Variants in RBPMS observed in about 807,000 individuals in gnomAD.
The protein encoded by RBPMS is RNA binding protein, mRNA processing factor, also known as RNA-binding protein with multiple splicing.
In RBPMS, 7 loss-of-function variants were observed where a neutral mutation model predicts 26.8. The ratio of observed to expected loss-of-function variants is 0.26; its 90% CI spans 0.15 to 0.49. The LOEUF is 0.49. Ranked by LOEUF, RBPMS falls within the 20% of genes least tolerant of loss-of-function variation. The probability of loss-of-function intolerance (pLI) is 0.98; values close to 1 mark genes in which losing one functional copy is unlikely to be tolerated. For synonymous variants in RBPMS, 96 were observed against 93.3 expected (o/e 1.03, Z -0.17); for missense variants, 186 against 250.0 (o/e 0.74, Z 1.73).
At chr8:30,411,503 A>G (rs1809391443) in intron 1 of RBPMS, among the ~76,000 whole-genome samples, 1 of 151,922 alleles carries the variant, frequency 6.6e-6, no homozygotes, top group East Asian at 1.9e-4. Context: ...CATCTCTACA[A>G]AAAATTTAAA....
At chr8:30,467,544 TTAG>T (rs1004674377) in intron 1 of RBPMS, among the ~76,000 whole-genome samples, 2 of 152,182 alleles carry the variant, frequency 1.3e-5, no homozygotes, top group African/African-American at 4.8e-5. Context: ...AGTTCTTATC[TTAG>T]TAGAGCAGTC....
chr8:30,545,094 C>T, intron 6 of RBPMS: 3 of 1,356,482 alleles, frequency 2.2e-6, no homozygotes, highest in Non-Finnish European at 2.9e-6. Context: ...GGAAAGCTTC[C>T]AGGGGGGAAG....
intron 1 of RBPMS, among the ~76,000 whole-genome samples, chr8:30,387,688 G>A (rs1442995605): frequency 1.3e-5 from 2 of 152,220 alleles, no homozygotes; most frequent in African/African-American, 4.8e-5. Flanking sequence ...TCATCATTAA[G>A]GGAAAATAGT....
intron 1 of RBPMS, among the ~76,000 whole-genome samples, chr8:30,457,655 C>T (rs1290483061): frequency 2.1e-5 from 3 of 142,998 alleles, no homozygotes; most frequent in Non-Finnish European, 3.0e-5. Flanking sequence ...TGCAGTGGTG[C>T]GATGGCTCCA....
chr8:30,531,318 A>G (rs553757976), intron 5 of RBPMS, among the ~76,000 whole-genome samples: 3 of 149,230 alleles, frequency 2.0e-5, no homozygotes, highest in East Asian at 2.0e-4. Flanking sequence ...ATTACCCACC[A>G]AAGATCTGAA....
intron 5 of RBPMS, among the ~76,000 whole-genome samples, chr8:30,529,406 G>A (rs1173561732): frequency 6.6e-6 from 1 of 151,998 alleles, no homozygotes; most frequent in East Asian, 1.9e-4. Context: ...GGAGACTGAG[G>A]CAGGAGAATC....
chr8:30,504,404 A>G lies in RBPMS; in HGVS notation c.365A>G (p.Asn122Ser), dbSNP rs141459658. ...CCAAACCCCAGTACTCCTCTGCCCA[A>G]CACTGTACCTCAGTTCATTGCCAGA... ...GTPNPSTPLP[N>S]TVPQFIAREP... The change falls in exon 5 of 9, where the codon AAC becomes AGC. Residue 122 changes from asparagine to serine, a missense_variant. Asn to Ser is a conservative substitution (Grantham distance 46). Coordinates refer to ENST00000397323, the MANE Select transcript of RBPMS (RefSeq NM_001008710.3). 1.2e-5 allele frequency: 19 copies of G among 1,614,096 alleles called. No individual in the cohort carries two copies. The African/African-American group carries it at 2.4e-4, about 20-fold the overall frequency.
At chr8:30,549,750 C>CTTTCCTTTTCTTTT (rs1554543794) in intron 6 of RBPMS, among the ~76,000 whole-genome samples, 1 of 76,208 alleles carries the variant, frequency 1.3e-5, no homozygotes, top group Non-Finnish European at 2.9e-5. Context: ...TTCTTTCTTT[C>CTTTCCTTTTCTTTT]CTTTTCTTTT....
chr8:30,514,714 C>T (rs1035320509), intron 5 of RBPMS, among the ~76,000 whole-genome samples: 10 of 77,666 alleles, frequency 1.3e-4, no homozygotes, highest in East Asian at 1.1e-3. Context: ...AATGTAGAGG[C>T]GGGGTTTCCC....
At chr8:30,389,955 T>G (rs929603197) in intron 1 of RBPMS, among the ~76,000 whole-genome samples, 1 of 152,210 alleles carries the variant, frequency 6.6e-6, no homozygotes, top group African/African-American at 2.4e-5. Context: ...TCTTTGAGCT[T>G]CAGTGGCTCC....
chr8:30,514,680 C>CCTTTT (rs1822103519), intron 5 of RBPMS, among the ~76,000 whole-genome samples: 1 of 82,650 alleles, frequency 1.2e-5, no homozygotes, highest in Non-Finnish European at 2.3e-5. Context: ...CCATGCCGGG[C>CCTTTT]TTTTTTTTTT....
At chr8:30,462,423 T>G (rs1179475252) in intron 1 of RBPMS, among the ~76,000 whole-genome samples, 2 of 149,154 alleles carry the variant, frequency 1.3e-5, no homozygotes, top group African/African-American at 5.0e-5. Flanking sequence ...TACTTTTTTG[T>G]TTGTTTGTTT....
chr8:30,565,221 G>T (rs1827801638), intron 7 of RBPMS: 1 of 152,218 alleles, frequency 6.6e-6, no homozygotes, highest in Admixed American at 6.5e-5. Flanking sequence ...CCTTAAATCT[G>T]AGGAGAGAGA....
intron 5 of RBPMS, among the ~76,000 whole-genome samples, chr8:30,527,173 T>C (rs17552937): frequency 0.18 from 27,796 of 152,144 alleles, 2,798 homozygotes; most frequent in Non-Finnish European, 0.22. Flanking sequence ...AAAATCACTT[T>C]CTGGCAAAAC....
intron 7 of RBPMS, 30 bp downstream of exon 7, chr8:30,558,986 G>A (rs190479431): frequency 3.2e-5 from 51 of 1,585,102 alleles, no homozygotes; most frequent in East Asian, 1.8e-4. Context: ...TGGAATGTGC[G>A]AAGCCCCTAG....
chr8:30,410,874 T>G (rs909074427), intron 1 of RBPMS, among the ~76,000 whole-genome samples: 4 of 152,066 alleles, frequency 2.6e-5, no homozygotes, highest in Non-Finnish European at 5.9e-5. Context: ...AAGCCAGGAC[T>G]GCACGTGCAC....
At chr8:30,485,605 G>A (rs144966210) in intron 4 of RBPMS, among the ~76,000 whole-genome samples, 8 of 152,346 alleles carry the variant, frequency 5.3e-5, no homozygotes, top group East Asian at 3.9e-4. Context: ...GTATAAAGCC[G>A]CTGTGATGTG....
intron 4 of RBPMS, among the ~76,000 whole-genome samples, chr8:30,490,295 T>C (rs1222861138): frequency 6.6e-6 from 1 of 152,248 alleles, no homozygotes; most frequent in Non-Finnish European, 1.5e-5. Context: ...TATTGTAACC[T>C]GAACAAACAC....
At chr8:30,428,779 CTTTT>C (rs1041499391) in intron 1 of RBPMS, among the ~76,000 whole-genome samples, 1 of 144,132 alleles carries the variant, frequency 6.9e-6, no homozygotes, top group Admixed American at 7.0e-5. Flanking sequence ...GAATATAAGG[CTTTT>C]TTTTTTTAAG....
Sources: gnomAD v4.1 joint callset for allele counts (sites outside exome capture counted in the v4.1 genomes callset) on GRCh38, gnomAD v4.1.1 for gene constraint, MANE v1.5 for transcripts, NCBI Gene and HGNC (gene_info 2026-07-23, HGNC 2026-07-21) for gene names.